SCARB1: variants seen among roughly 807,000 people sequenced by gnomAD.
SCARB1 encodes CD36 and LIMPII analogous 1.
SCARB1 carries 30 observed loss-of-function variants against 57.2 expected under a neutral mutation model. The ratio of observed to expected loss-of-function variants is 0.52; its 90% CI spans 0.39 to 0.71. The LOEUF is 0.71. Ranked by LOEUF, SCARB1 falls within the 30% of genes least tolerant of loss-of-function variation. The pLI is 0.00. For missense variants in SCARB1, 543 were observed against 671.2 expected (o/e 0.81, Z 2.11); for synonymous variants, 249 against 268.3 (o/e 0.93, Z 0.70).
At chr12:124,858,007 G>A (rs1476847535) in intron 1 of SCARB1, among the ~76,000 whole-genome samples, 1 of 152,180 alleles carries the variant, frequency 6.6e-6, no homozygotes, top group Non-Finnish European at 1.5e-5. Context: ...GAACTTGGAT[G>A]TGTGCCCCCC....
At position 124,787,461 on chromosome 12, in the gene SCARB1, G is replaced by GAAATAA; in HGVS notation, c.1203-10_1203-5dup. 1 of 1,613,084 alleles carries GAAATAA rather than the reference G, an allele frequency of 6.2e-7. No individual in the cohort carries two copies. The highest frequency in any genetic ancestry group is 1.3e-5 in the African/African-American group (1 of 75,012). On this transcript the variant is annotated splice_polypyrimidine_tract_variant and splice_region_variant and intron_variant, in intron 9 of 12. Transcript: ENST00000261693. ...AGGCTCAATCTTCCCAGTTTGTCTG[G>GAAATAA]AAATAAGCAAGACATAGCTGTGTGA...
intron 9 of SCARB1, among the ~76,000 whole-genome samples, chr12:124,792,998 C>G (rs963136403): frequency 6.6e-6 from 1 of 152,042 alleles, no homozygotes; most frequent in Non-Finnish European, 1.5e-5. Flanking sequence ...AGAGGGAGGA[C>G]TTGGGCTGCA....
chr12:124,850,365 C>T (rs1437141946), intron 1 of SCARB1, among the ~76,000 whole-genome samples: 2 of 151,388 alleles, frequency 1.3e-5, no homozygotes, highest in African/African-American at 2.4e-5. Context: ...AGACTGAGAC[C>T]ATGTCTCAAA....
chr12:124,800,219 G>A lies in SCARB1; in HGVS notation c.1033C>T (p.Pro345Ser). The stretch of plus-strand genomic sequence containing the variant: ...ACCGGGTCAGCGTTGAGGAAGTGAG[G>A]ATGGGAGAGAAACAAGGGGGCACCT... Reference protein sequence around the residue: ...RFSAPLFLSHPHFLNADPVLA... With the variant: ...RFSAPLFLSHSHFLNADPVLA... Residue 345 changes from proline to serine, a missense_variant, in exon 8 of 13, where the codon CCT (proline) becomes TCT (serine). Pro to Ser is a moderately conservative substitution (Grantham distance 74, BLOSUM62 -1). Transcript: ENST00000261693. This position sits in a 1 kb window ranked among gnomAD's most constrained non-coding sequence, Gnocchi z 4.8. The A allele has an allele frequency of 1.2e-6, 2 of 1,607,212 alleles. No homozygotes were observed. Among genetic ancestry groups the A allele is most frequent in the Non-Finnish European group, 1.7e-6 (2 of 1,173,608 alleles).
chr12:124,843,297 G>GA (rs386378075), intron 1 of SCARB1, among the ~76,000 whole-genome samples: 4 of 123,874 alleles, frequency 3.2e-5, no homozygotes, highest in Non-Finnish European at 3.8e-5. Context: ...AGATGGGGGG[G>GA]GGGGTCTTAC....
At chr12:124,795,427 G>GC (rs1460738002) in intron 8 of SCARB1, among the ~76,000 whole-genome samples, 159 bp from the exon 9 acceptor site, 1 of 152,106 alleles carries the variant, frequency 6.6e-6, no homozygotes, top group Non-Finnish European at 1.5e-5. Context: ...AGGCTGGGGG[G>GC]GGTCAACAGT....
chr12:124,856,542 A>G (rs1257452388), intron 1 of SCARB1, among the ~76,000 whole-genome samples: 3 of 152,252 alleles, frequency 2.0e-5, no homozygotes, highest in Admixed American at 1.3e-4. Context: ...TGTCTCTCAC[A>G]TGCTAGAAGG....
Position 124,822,974 on chromosome 12 carries a change from T to C in SCARB1, c.127-5267A>G, listed in dbSNP as rs933118092. Among the ~76,000 whole-genome samples the C allele has an allele frequency of 1.3e-5, 2 of 152,134 alleles. No homozygotes were observed. The highest frequency in any genetic ancestry group is 2.9e-5 in the Non-Finnish European group (2 of 68,024). On this transcript the variant is annotated intron_variant, in intron 1 of 12. Coordinates refer to ENST00000261693, the MANE Select transcript of SCARB1 (RefSeq NM_005505.5). This position sits in a 1 kb window ranked among gnomAD's most constrained non-coding sequence, Gnocchi z 5.0. ...CCAGAATATTTTAAGTAAAAAAAAA[T>C]TTAAAAATGAATACTATTACTACCT... is the stretch of plus-strand genomic sequence containing the variant.
In SCARB1 at chr12:124,778,574, T is replaced by G; in HGVS notation, c.*13A>C. ...GCGGCCAGGCCTGGCTGGCTCACGG[T>G]GTCCTCAGGACCCTGTGGAGAAAGG... is the stretch of plus-strand genomic sequence containing the variant. On this transcript the variant is annotated 3_prime_UTR_variant, in exon 13 of 13. Transcript: ENST00000261693. 1 of 1,397,512 alleles carries G rather than the reference T, an allele frequency of 7.2e-7. No individual in the cohort carries two copies. Among genetic ancestry groups the G allele is most frequent in the Non-Finnish European group, 9.3e-7 (1 of 1,075,808 alleles). 86.6% of individuals were successfully genotyped at this position (1,397,512 alleles called of 1,614,324 possible).
intron 1 of SCARB1, among the ~76,000 whole-genome samples, chr12:124,847,058 C>T (rs1952190655): frequency 6.6e-6 from 1 of 152,240 alleles, no homozygotes; most frequent in Non-Finnish European, 1.5e-5. Flanking sequence ...GGCTTCGGGG[C>T]AGATGAGCTT....
At position 124,810,603 on chromosome 12, in the gene SCARB1, G is replaced by A. The variant is rs995828264; in HGVS notation, c.727-314C>T. On this transcript the variant is annotated intron_variant, in intron 5 of 12. Coordinates refer to ENST00000261693, the MANE Select transcript of SCARB1 (RefSeq NM_005505.5). This position sits in a 1 kb window ranked among gnomAD's most constrained non-coding sequence, Gnocchi z 4.0. ...GAGCAGGTGAGGTGAGAGGTGGGGCGCGGCTGTGCTCAGCCCTCAGAGCGG... is the reference window on the plus strand; with the variant it reads ...GAGCAGGTGAGGTGAGAGGTGGGGCACGGCTGTGCTCAGCCCTCAGAGCGG... 2.6e-5 allele frequency among the ~76,000 whole-genome samples: 4 copies of A among 152,180 alleles called. No individual in the cohort carries two copies. Among genetic ancestry groups the A allele is most frequent in the Non-Finnish European group, 5.9e-5 (4 of 68,026 alleles).
intron 1 of SCARB1, among the ~76,000 whole-genome samples, chr12:124,853,179 C>T (rs181482300): frequency 1.1e-3 from 160 of 152,194 alleles, no homozygotes; most frequent in African/African-American, 3.4e-3. Context: ...GACAAAAAGA[C>T]GGTCCAGGCA....
intron 1 of SCARB1, among the ~76,000 whole-genome samples, chr12:124,819,334 G>A (rs1296890368): frequency 6.6e-6 from 1 of 152,170 alleles, no homozygotes; most frequent in Non-Finnish European, 1.5e-5. Flanking sequence ...GGCTGAGTGA[G>A]CCAGTCGGAA....
At chr12:124,794,404 T>TC in intron 9 of SCARB1, among the ~76,000 whole-genome samples, 1 of 147,412 alleles carries the variant, frequency 6.8e-6, no homozygotes, top group African/African-American at 2.5e-5. Flanking sequence ...AAAATTCTTT[T>TC]TTTTTTTTTT....
At chr12:124,824,872 C>T (rs978284347) in intron 1 of SCARB1, among the ~76,000 whole-genome samples, 2 of 152,232 alleles carry the variant, frequency 1.3e-5, no homozygotes, top group Non-Finnish European at 2.9e-5. Context: ...ATGCAACTTA[C>T]GTTATGACTC....
chr12:124,802,045 G>A (rs1486427489), intron 7 of SCARB1, among the ~76,000 whole-genome samples: 1 of 150,710 alleles, frequency 6.6e-6, no homozygotes, highest in Non-Finnish European at 1.5e-5. Flanking sequence ...AGCTACTCAG[G>A]AGGCTGAGGC....
chr12:124,803,689 CAAAAAAAAAAAAAAA>C (rs58564503), intron 7 of SCARB1, among the ~76,000 whole-genome samples: 1 of 47,672 alleles, frequency 2.1e-5, no homozygotes, highest in East Asian at 3.6e-4. Context: ...CCCACCTCTA[CAAAAAAAAAAAAAAA>C]AAAAAAAAAA....
rs1021758535 is a variant in SCARB1 at position 124,822,745 on chromosome 12, G to A, written c.127-5038C>T. Among the ~76,000 whole-genome samples the A allele has an allele frequency of 3.9e-5, 6 of 151,972 alleles. No homozygotes were observed. Among genetic ancestry groups the A allele is most frequent in the East Asian group, 1.9e-4 (1 of 5,184 alleles). ...ACTAAAAATACAAAAAATATTAGCC[G>A]GGCATGGTGGCGCACACCTGTGGTC... is the stretch of plus-strand genomic sequence containing the variant. On this transcript the variant is annotated intron_variant, in intron 1 of 12. Coordinates refer to ENST00000261693, the MANE Select transcript of SCARB1 (RefSeq NM_005505.5). This position sits in a 1 kb window ranked among gnomAD's most constrained non-coding sequence, Gnocchi z 5.0.
In SCARB1 at chr12:124,814,080, C is replaced by T; in HGVS notation, c.630+122G>A. Reference sequence around the variant, plus strand: ...TTTGAGTCAGGTTCTCAGTCACTTACAACCCACAGCCACTAGATCCCCAGC... The same window carrying T: ...TTTGAGTCAGGTTCTCAGTCACTTATAACCCACAGCCACTAGATCCCCAGC... On this transcript the variant is annotated intron_variant, in intron 4 of 12. Coordinates refer to ENST00000261693, the MANE Select transcript of SCARB1 (RefSeq NM_005505.5). The surrounding 1 kb of genome is among the most constrained non-coding windows in gnomAD (Gnocchi z 4.7). 3 of 922,336 alleles carry T rather than the reference C, an allele frequency of 3.3e-6. No individual in the cohort carries two copies. Among genetic ancestry groups the T allele is most frequent in the South Asian group, 1.3e-5 (1 of 76,234 alleles). 57.1% of individuals were successfully genotyped at this position (922,336 alleles called of 1,614,324 possible).
Sources: gnomAD v4.1 joint callset for allele counts (sites outside exome capture counted in the v4.1 genomes callset) on GRCh38, gnomAD v4.1.1 for gene constraint, Gnocchi (gnomAD v3.1) non-coding constraint, MANE v1.5 for transcripts, NCBI Gene and HGNC (gene_info 2026-07-23, HGNC 2026-07-21) for gene names.